SLC24A3: variants seen among roughly 807,000 people sequenced by gnomAD.
The protein encoded by SLC24A3 is sodium/potassium/calcium exchanger 3.
SLC24A3 carries 28 observed loss-of-function variants against 75.8 expected under a neutral mutation model. That is an observed-to-expected ratio of 0.37 (90% CI 0.27 to 0.51). The LOEUF is 0.51. Ranked by LOEUF, SLC24A3 falls within the 20% of genes least tolerant of loss-of-function variation. SLC24A3 has a pLI of 0.94. For missense variants in SLC24A3, 663 were observed against 847.8 expected (o/e 0.78, Z 2.71); for synonymous variants, 372 against 334.1 (o/e 1.11, Z -1.24).
At position 19,458,422 on chromosome 20, in the gene SLC24A3, T is replaced by C. The variant is rs369226903; in HGVS notation, c.272-57066T>C. ...ATTTTAAGTGCACAGTTCAGCTGCA[T>C]TGAGTACATTCACATTGTCTGTGCA... On this transcript the variant is annotated intron_variant, in intron 2 of 16. Coordinates refer to ENST00000328041, the MANE Select transcript of SLC24A3 (RefSeq NM_020689.4). Among the ~76,000 whole-genome samples, 17 of 152,350 alleles carry C rather than the reference T, an allele frequency of 1.1e-4. No homozygotes were observed. The East Asian group carries it at 2.1e-3, about 19-fold the overall frequency.
intron 2 of SLC24A3, among the ~76,000 whole-genome samples, chr20:19,482,344 T>C (rs1173022635): frequency 6.6e-6 from 1 of 152,110 alleles, no homozygotes; most frequent in East Asian, 1.9e-4. Context: ...CCCCCAGGCT[T>C]CTCTGGGCTT....
Position 19,659,412 on chromosome 20 carries a change from G to A in SLC24A3, c.687+5276G>A, listed in dbSNP as rs2032301656. On this transcript the variant is annotated intron_variant, in intron 7 of 16. Coordinates refer to ENST00000328041, the MANE Select transcript of SLC24A3 (RefSeq NM_020689.4). ...CAGAATTTACATGGTGATAGAAATG[G>A]CCTACAATCTTGTGCTGTCCAATGT... is the stretch of plus-strand genomic sequence containing the variant. 2.0e-5 allele frequency among the ~76,000 whole-genome samples: 3 copies of A among 152,204 alleles called. No individual in the cohort carries two copies. In the South Asian group the frequency reaches 6.2e-4, roughly 32 times the overall value.
chr20:19,688,475 C>T (rs1470931351), intron 12 of SLC24A3, among the ~76,000 whole-genome samples: 2 of 152,244 alleles, frequency 1.3e-5, no homozygotes, highest in African/African-American at 4.8e-5. Context: ...GAATGTCCAG[C>T]CAGGCCCGCT....
At chr20:19,327,789 G>A (rs1001303703) in intron 2 of SLC24A3, among the ~76,000 whole-genome samples, 26 of 152,196 alleles carry the variant, frequency 1.7e-4, no homozygotes, top group African/African-American at 3.6e-4. Context: ...GTAGAAGCGC[G>A]TTCATTCATT....
chr20:19,540,354 T>C (rs2030473918), intron 3 of SLC24A3, among the ~76,000 whole-genome samples: 1 of 152,162 alleles, frequency 6.6e-6, no homozygotes, highest in South Asian at 2.1e-4. Flanking sequence ...GGAGTGGTGC[T>C]CCTCGAGAGA....
At chr20:19,308,647 T>G (rs888678080) in intron 2 of SLC24A3, among the ~76,000 whole-genome samples, 1 of 152,350 alleles carries the variant, frequency 6.6e-6, no homozygotes, top group Non-Finnish European at 1.5e-5. Flanking sequence ...TTTATTAAAG[T>G]ATCTGAAATC....
intron 3 of SLC24A3, among the ~76,000 whole-genome samples, chr20:19,518,842 CT>C: frequency 6.6e-6 from 1 of 152,208 alleles, no homozygotes; most frequent in Middle Eastern, 3.2e-3. Flanking sequence ...TAGAAAAAGG[CT>C]CAGGGCCATT....
At chr20:19,310,694 C>T (rs937656416) in intron 2 of SLC24A3, among the ~76,000 whole-genome samples, 1 of 152,180 alleles carries the variant, frequency 6.6e-6, no homozygotes, top group Non-Finnish European at 1.5e-5. Context: ...TCATTCAGGG[C>T]AGCAAGCATA....
intron 1 of SLC24A3, chr20:19,244,241 C>G (rs1166070318): frequency 6.6e-6 from 1 of 152,156 alleles, no homozygotes; most frequent in Non-Finnish European, 1.5e-5. Flanking sequence ...TGAGTAGATA[C>G]CGTGAACCAG....
Position 19,281,024 on chromosome 20 carries a change from G to A in SLC24A3, c.208G>A (p.Val70Met), listed in dbSNP as rs369940244. 1.9e-6 allele frequency: 3 copies of A among 1,614,066 alleles called. No homozygotes were observed. The highest frequency in any genetic ancestry group is 2.7e-5 in the African/African-American group (2 of 74,930). The change falls in exon 2 of 17, where the codon GTG becomes ATG. Residue 70 changes from valine (V) to methionine (M), a missense_variant. Physicochemically the swap from Val to Met is conservative, Grantham distance 21. Around this residue, in one of 2 missense-constraint regions of SLC24A3, gnomAD observed 153 missense variants for 144.2 expected, o/e 1.06. Transcript: ENST00000328041. ...GATGATGGCGAGGAAGCTGATGCAG[G>A]TGAACGACACTCTGACTTCCGAAGA... ...KWMMARKLMQ[V>M]NDTLTSEDAG...
chr20:19,624,570 T>C (rs2031845034), intron 6 of SLC24A3, among the ~76,000 whole-genome samples: 1 of 152,190 alleles, frequency 6.6e-6, no homozygotes, highest in Admixed American at 6.5e-5. Context: ...AAGTGAACTA[T>C]GCCAGGCCTC....
intron 3 of SLC24A3, among the ~76,000 whole-genome samples, chr20:19,567,310 T>C (rs1028686305): frequency 1.3e-5 from 2 of 152,204 alleles, no homozygotes; most frequent in Admixed American, 6.5e-5. Context: ...TTTTAAAATG[T>C]GGTACATATA....
chr20:19,291,024 A>G (rs1231827515), intron 2 of SLC24A3, among the ~76,000 whole-genome samples: 2 of 152,212 alleles, frequency 1.3e-5, no homozygotes, highest in African/African-American at 2.4e-5. Flanking sequence ...TCAACAGGGA[A>G]TGTTCCTGCC....
chr20:19,551,188 A>G (rs1403005071), intron 3 of SLC24A3, among the ~76,000 whole-genome samples: 1 of 152,212 alleles, frequency 6.6e-6, no homozygotes, highest in Non-Finnish European at 1.5e-5. Flanking sequence ...TGGTCCTCAT[A>G]GTTTCAAGAC....
chr20:19,470,468 G>C (rs1987850978), intron 2 of SLC24A3, among the ~76,000 whole-genome samples: 1 of 152,126 alleles, frequency 6.6e-6, no homozygotes, highest in African/African-American at 2.4e-5. Flanking sequence ...AGTATGGTTT[G>C]CTCAGACCTT....
intron 1 of SLC24A3, among the ~76,000 whole-genome samples, chr20:19,279,658 C>A (rs1470965765): frequency 6.6e-6 from 1 of 152,178 alleles, no homozygotes; most frequent in Non-Finnish European, 1.5e-5. Flanking sequence ...GCCCCCTCTT[C>A]TCCACCGGGA....
chr20:19,320,810 A>G (rs938523696), intron 2 of SLC24A3, among the ~76,000 whole-genome samples: 1 of 152,096 alleles, frequency 6.6e-6, no homozygotes, highest in Non-Finnish European at 1.5e-5. Context: ...TTTAGGGAAT[A>G]ATTACGAGAA....
intron 7 of SLC24A3, among the ~76,000 whole-genome samples, chr20:19,655,651 T>C (rs1031364037): frequency 2.0e-5 from 3 of 152,178 alleles, no homozygotes; most frequent in Non-Finnish European, 4.4e-5. Context: ...AAGGCCCGAA[T>C]AGAACAAAAA....
intron 2 of SLC24A3, among the ~76,000 whole-genome samples, chr20:19,309,819 TG>T (rs202201599): frequency 1.4e-5 from 2 of 142,238 alleles, no homozygotes; most frequent in Admixed American, 7.0e-5. Context: ...AATCATCATT[TG>T]GGGGAATGTG....
Sources: allele counts gnomAD v4.1 joint callset (sites outside exome capture counted in the v4.1 genomes callset), GRCh38; gene constraint gnomAD v4.1.1; regional missense constraint gnomAD v4.1.1; transcripts MANE v1.5; gene names NCBI Gene and HGNC (gene_info 2026-07-23, HGNC 2026-07-21).